KHDRBS2: variants seen among roughly 807,000 people sequenced by gnomAD.
The protein encoded by KHDRBS2 is KH domain-containing, RNA-binding, signal transduction-associated protein 2.
In KHDRBS2, 26 loss-of-function variants were observed where a neutral mutation model predicts 44.3. The ratio of observed to expected loss-of-function variants is 0.59; its 90% confidence interval spans 0.43 to 0.81. KHDRBS2 has a LOEUF of 0.81. Among genes scored for constraint, KHDRBS2 ranks in the 40% least tolerant of loss-of-function variants. The pLI, the probability that KHDRBS2 is intolerant of heterozygous loss-of-function variation, is 0.00. For synonymous variants in KHDRBS2, 194 were observed against 151.1 expected (o/e 1.28, Z -2.08); for missense variants, 476 against 433.1 (o/e 1.10, Z -0.88).
chr6:61,914,786 C>T (rs555905808), intron 4 of KHDRBS2, among the ~76,000 whole-genome samples: 1 of 152,040 alleles, frequency 6.6e-6, no homozygotes, highest in East Asian at 1.9e-4. Context: ...CATGAATAAT[C>T]TTGCTTAGGA....
At chr6:61,642,337 C>T in the KHDRBS2 span, among the ~76,000 whole-genome samples, 1 of 151,900 alleles carries the variant, frequency 6.6e-6, no homozygotes. Flanking sequence ...CACTGAAATA[C>T]ATAACTCTTC....
chr6:61,546,060 A>T, the KHDRBS2 span, among the ~76,000 whole-genome samples: 2 of 152,014 alleles, frequency 1.3e-5, no homozygotes. Flanking sequence ...AGTCTCTCTA[A>T]ATATTTCTTC....
chr6:61,615,218 G>C, the KHDRBS2 span, among the ~76,000 whole-genome samples: 49 of 90,030 alleles, frequency 5.4e-4, no homozygotes, highest in Non-Finnish European at 9.3e-4. Context: ...GGGTGACAGA[G>C]CAAGACTCCA....
At chr6:61,686,430 C>A (rs9341959) in intron 8 of KHDRBS2, among the ~76,000 whole-genome samples, 53,488 of 151,526 alleles carry the variant, frequency 0.35, 10,248 homozygotes, top group East Asian at 0.46. Context: ...TTTGAAAGCA[C>A]CTTTCAAATA....
chr6:62,129,115 T>C, intron 2 of KHDRBS2, among the ~76,000 whole-genome samples: 1 of 152,098 alleles, frequency 6.6e-6, no homozygotes, highest in Non-Finnish European at 1.5e-5. Flanking sequence ...AATTACTCCA[T>C]CTTGCTGCAG....
chr6:61,546,681 G>A, the KHDRBS2 span, among the ~76,000 whole-genome samples: 1 of 152,084 alleles, frequency 6.6e-6, no homozygotes, highest in Admixed American at 6.6e-5. Flanking sequence ...GAGTATCAGT[G>A]GTCACAGCGG....
chr6:62,266,664 C>T (rs77858985), intron 1 of KHDRBS2, among the ~76,000 whole-genome samples: 3,718 of 152,020 alleles, frequency 0.024, 115 homozygotes, highest in African/African-American at 0.079. Flanking sequence ...TTGTAAGACA[C>T]TGTGCACCTC....
In KHDRBS2 at chr6:62,038,321, ATT is replaced by A. The variant is rs5876773; in HGVS notation, c.336+9555_336+9556del. ...TATTCATTAGATTGAGAAGCTGCTG[ATT>A]TTTTTTTTTTCTTTTTTGGTCTTTC... On this transcript the variant is annotated intron_variant, in intron 3 of 8. Coordinates refer to ENST00000281156, the MANE Select transcript of KHDRBS2 (RefSeq NM_152688.4). 5.6e-4 allele frequency among the ~76,000 whole-genome samples: 83 copies of A among 148,492 alleles called. 1 individual carries two copies. Among genetic ancestry groups the A allele is most frequent in the African/African-American group, 6.9e-4 (28 of 40,318 alleles).
At chr6:61,613,985 T>C in the KHDRBS2 span, among the ~76,000 whole-genome samples, 1 of 152,248 alleles carries the variant, frequency 6.6e-6, no homozygotes, top group Non-Finnish European at 1.5e-5. Flanking sequence ...AGACAATTTA[T>C]AGTTCAATTT....
chr6:61,960,484 T>C (rs898245608), intron 4 of KHDRBS2, among the ~76,000 whole-genome samples: 13 of 152,126 alleles, frequency 8.5e-5, no homozygotes, highest in East Asian at 1.9e-4. Context: ...ATCACAATTA[T>C]GTATGACTGC....
At chr6:62,180,130 A>G (rs570828175) in intron 1 of KHDRBS2, among the ~76,000 whole-genome samples, 1 of 151,946 alleles carries the variant, frequency 6.6e-6, no homozygotes, top group African/African-American at 2.4e-5. Context: ...TGTTCCAGAG[A>G]TCCAGAACAA....
At chr6:61,924,199 G>A (rs1325829757) in intron 4 of KHDRBS2, among the ~76,000 whole-genome samples, 1 of 151,984 alleles carries the variant, frequency 6.6e-6, no homozygotes, top group African/African-American at 2.4e-5. Context: ...ATGGGATGAA[G>A]GAAAGATTCA....
At chr6:62,062,396 A>T (rs535027365) in intron 2 of KHDRBS2, among the ~76,000 whole-genome samples, 31 of 146,092 alleles carry the variant, frequency 2.1e-4, no homozygotes, top group Admixed American at 1.7e-3. Flanking sequence ...CTCCTCAGCA[A>T]ATGTAAAAGA....
chr6:62,052,132 T>C (rs1427391647), intron 2 of KHDRBS2, among the ~76,000 whole-genome samples: 10 of 152,030 alleles, frequency 6.6e-5, no homozygotes, highest in African/African-American at 2.4e-4. Context: ...ATCCCTCTCC[T>C]GGGCATATAC....
At chr6:62,166,210 T>G (rs569525500) in intron 2 of KHDRBS2, among the ~76,000 whole-genome samples, 10 of 152,094 alleles carry the variant, frequency 6.6e-5, no homozygotes, top group Admixed American at 2.6e-4. Context: ...ACATTTTATT[T>G]ATCTACTAGT....
intron 2 of KHDRBS2, among the ~76,000 whole-genome samples, chr6:62,120,356 G>C (rs141449754): frequency 2.0e-5 from 3 of 152,142 alleles, no homozygotes; most frequent in Non-Finnish European, 2.9e-5. Context: ...CCAATACTTC[G>C]TGAAATAGAT....
chr6:61,735,692 G>C (rs1775214743), intron 6 of KHDRBS2, among the ~76,000 whole-genome samples: 1 of 151,924 alleles, frequency 6.6e-6, no homozygotes, highest in Non-Finnish European at 1.5e-5. Flanking sequence ...ATTACATTCA[G>C]ATTTAATATT....
chr6:61,581,749 C>G, the KHDRBS2 span, among the ~76,000 whole-genome samples: 1 of 150,956 alleles, frequency 6.6e-6, no homozygotes, highest in African/African-American at 2.4e-5. Flanking sequence ...CCCAAGGAAA[C>G]AGAAATGGAT....
chr6:62,011,053 T>C (rs1213432966), intron 3 of KHDRBS2, among the ~76,000 whole-genome samples: 1 of 152,182 alleles, frequency 6.6e-6, no homozygotes. Context: ...GAAGAGGTTA[T>C]TATTAAATAA....
Sources: allele counts gnomAD v4.1 joint callset (sites outside exome capture counted in the v4.1 genomes callset), GRCh38; gene constraint gnomAD v4.1.1; transcripts MANE v1.5; gene names NCBI Gene and HGNC (gene_info 2026-07-23, HGNC 2026-07-21).